LDLRAD4: variants seen among roughly 807,000 people sequenced by gnomAD.
The protein encoded by LDLRAD4 is low-density lipoprotein receptor class A domain-containing protein 4.
Under a neutral mutation model 17.0 loss-of-function variants are expected in LDLRAD4, and 5 were observed. The observed-to-expected ratio is 0.29, with a 90% CI of 0.15 to 0.62. LDLRAD4 has a LOEUF of 0.62. Among genes scored for constraint, LDLRAD4 ranks in the 20% least tolerant of loss-of-function variants. The probability of loss-of-function intolerance (pLI) is 0.84; values close to 1 mark genes in which losing one functional copy is unlikely to be tolerated. For synonymous variants in LDLRAD4, 168 were observed against 171.8 expected, an observed-to-expected ratio of 0.98 and a Z score of 0.17; for missense variants, 340 against 424.7, an observed-to-expected ratio of 0.80 and a Z score of 1.75.
intron 1 of LDLRAD4, among the ~76,000 whole-genome samples, chr18:13,257,388 G>A (rs536940451): frequency 6.6e-6 from 1 of 152,306 alleles, no homozygotes; most frequent in African/African-American, 2.4e-5. Context: ...CAGTCCTTTC[G>A]TTCTGTAATG....
chr18:13,430,915 C>T (rs1463804574), intron 2 of LDLRAD4, among the ~76,000 whole-genome samples: 2 of 152,124 alleles, frequency 1.3e-5, no homozygotes, highest in East Asian at 1.9e-4. Context: ...GAGCTCAGTA[C>T]ACATTTCTCG....
chr18:13,459,980 T>G (rs1345429673), intron 3 of LDLRAD4: 1 of 154,010 alleles, frequency 6.5e-6, no homozygotes, highest in Admixed American at 6.5e-5. Flanking sequence ...GTCACATGGT[T>G]AATGTTCCAC....
At chr18:13,623,337 A>G (rs901497713) in intron 4 of LDLRAD4, among the ~76,000 whole-genome samples, 13 of 152,222 alleles carry the variant, frequency 8.5e-5, no homozygotes, top group African/African-American at 3.1e-4. Context: ...AATTGTGTCC[A>G]CACAGTGGTC....
chr18:13,505,133 G>A (rs1447199805), intron 3 of LDLRAD4, among the ~76,000 whole-genome samples: 3 of 152,186 alleles, frequency 2.0e-5, no homozygotes, highest in East Asian at 3.9e-4. Context: ...ATATAAAAAT[G>A]TCTCTTAATT....
intron 1 of LDLRAD4, among the ~76,000 whole-genome samples, chr18:13,337,619 G>C (rs576636056): frequency 9.9e-5 from 15 of 152,126 alleles, no homozygotes; most frequent in Admixed American, 9.2e-4. Context: ...AAGTCGGCGG[G>C]GGGCAGTGGC....
intron 1 of LDLRAD4, among the ~76,000 whole-genome samples, chr18:13,312,087 G>A (rs934367280): frequency 2.0e-5 from 3 of 151,944 alleles, no homozygotes; most frequent in Admixed American, 1.3e-4. Context: ...CGCCCGCCTC[G>A]GCCTCCCAAA....
intron 3 of LDLRAD4, among the ~76,000 whole-genome samples, chr18:13,452,761 G>A (rs181459364): frequency 1.3e-5 from 2 of 152,334 alleles, no homozygotes; most frequent in East Asian, 3.9e-4. Context: ...TAATTGCTAA[G>A]TGCTTTACTT....
intron 3 of LDLRAD4, among the ~76,000 whole-genome samples, chr18:13,600,347 G>A (rs1490259273): frequency 1.3e-5 from 2 of 152,198 alleles, no homozygotes; most frequent in African/African-American, 4.8e-5. Context: ...ACTGAAGTGT[G>A]CAAGACATTG....
rs940376490 is a variant in LDLRAD4, at chr18:13,226,485, G to A, written c.-467+7497G>A. On this transcript the variant is annotated intron_variant, in intron 1 of 5. Transcript: ENST00000399848. ...GGGTGACTGCACCCTTGTCAATGCC[G>A]AATATTATTTAAAAAACCTTTGCAA... is the stretch of plus-strand genomic sequence containing the variant. Among the ~76,000 whole-genome samples the A allele has an allele frequency of 5.9e-5, 9 of 151,848 alleles. No individual in the cohort carries two copies. In the South Asian group the frequency reaches 8.3e-4, roughly 14 times the overall value.
rs76224964 is a variant in LDLRAD4, at chr18:13,292,877, A to G, written c.-383+14689A>G. Among the ~76,000 whole-genome samples the G allele has an allele frequency of 8.4e-3, 1,276 of 152,318 alleles. 17 individuals carry two copies. Among genetic ancestry groups the G allele is most frequent in the African/African-American group, 0.029 (1,195 of 41,578 alleles). ...TTCCAGGGCACAAAGGCCACTGGAG[A>G]GAGATCTAGGAGTTTTCCAACCCCG... On this transcript the variant is annotated intron_variant, in intron 1 of 5. Coordinates refer to ENST00000359446, the Ensembl canonical transcript of LDLRAD4.
At chr18:13,343,200 A>G (rs888421747) in intron 1 of LDLRAD4, among the ~76,000 whole-genome samples, 3 of 151,518 alleles carry the variant, frequency 2.0e-5, no homozygotes, top group Non-Finnish European at 2.9e-5. Context: ...GTTATTTAAC[A>G]TTAATATATC....
chr18:13,643,349 C>A lies in LDLRAD4; in HGVS notation c.337-10C>A. On this transcript the variant is annotated splice_polypyrimidine_tract_variant and intron_variant, in intron 4 of 5. Transcript: ENST00000359446. ...GTTCCCCCCACTCTCCTCCCCTTCC[C>A]CTCCGCCAGGAAGGGTGCCTGTGGC... The A allele has an allele frequency of 1.4e-6, 2 of 1,470,136 alleles. No homozygotes were observed. The highest frequency in any genetic ancestry group is 9.1e-7 in the Non-Finnish European group (1 of 1,104,696). 91.1% of individuals were successfully genotyped at this position (1,470,136 alleles called of 1,614,324 possible).
upstream of LDLRAD4, among the ~76,000 whole-genome samples, chr18:13,277,681 ATGT>A (rs1463822020): frequency 2.0e-5 from 3 of 152,206 alleles, no homozygotes; most frequent in Non-Finnish European, 2.9e-5. Context: ...AGGTGGGCCC[ATGT>A]TGTCTTGAGA....
At chr18:13,318,423 G>A (rs1282294509) in intron 1 of LDLRAD4, among the ~76,000 whole-genome samples, 4 of 151,952 alleles carry the variant, frequency 2.6e-5, no homozygotes, top group South Asian at 2.1e-4. Context: ...CACCACACCC[G>A]GCTAATTTTT....
intron 3 of LDLRAD4, among the ~76,000 whole-genome samples, chr18:13,505,307 C>T (rs2093673275): frequency 6.6e-6 from 1 of 152,184 alleles, no homozygotes; most frequent in East Asian, 1.9e-4. Flanking sequence ...GCTCACGACT[C>T]TCACTTTGCA....
intron 3 of LDLRAD4, among the ~76,000 whole-genome samples, chr18:13,556,774 A>C (rs2094488571): frequency 6.6e-6 from 1 of 152,126 alleles, no homozygotes; most frequent in Admixed American, 6.5e-5. Flanking sequence ...GCATCATATC[A>C]AGGGTATGTA....
chr18:13,361,896 C>T (rs1235048113), intron 1 of LDLRAD4, among the ~76,000 whole-genome samples: 4 of 152,024 alleles, frequency 2.6e-5, no homozygotes, highest in Non-Finnish European at 4.4e-5. Context: ...GGGTTTGACA[C>T]AGAAGGCAAG....
At chr18:13,639,434 C>T (rs2042338303) in intron 4 of LDLRAD4, among the ~76,000 whole-genome samples, 1 of 152,258 alleles carries the variant, frequency 6.6e-6, no homozygotes, top group Non-Finnish European at 1.5e-5. Flanking sequence ...CAGGAGCCAG[C>T]AGGCTTCATC....
At chr18:13,390,292 G>T (rs2086168091) in intron 2 of LDLRAD4, among the ~76,000 whole-genome samples, 1 of 152,234 alleles carries the variant, frequency 6.6e-6, no homozygotes, top group Admixed American at 6.5e-5. Flanking sequence ...TGGAGCCACA[G>T]TGTGCCGGGA....
Sources: gnomAD v4.1 joint callset for allele counts (sites outside exome capture counted in the v4.1 genomes callset) on GRCh38, gnomAD v4.1.1 for gene constraint, MANE v1.5 for transcripts, NCBI Gene and HGNC (gene_info 2026-07-23, HGNC 2026-07-21) for gene names.